Variants in CACNA2D3 observed in about 807,000 individuals in gnomAD.
CACNA2D3 encodes calcium voltage-gated channel auxiliary subunit alpha2delta 3.
A neutral mutation model predicts 160.6 loss-of-function variants in CACNA2D3; 60 were observed. The ratio of observed to expected loss-of-function variants is 0.37; its 90% confidence interval spans 0.30 to 0.46. CACNA2D3 has a LOEUF of 0.46. Ranked by LOEUF, CACNA2D3 falls within the 20% of genes least tolerant of loss-of-function variation. The probability of loss-of-function intolerance (pLI) is 1.00; values close to 1 mark genes in which losing one functional copy is unlikely to be tolerated. For missense variants in CACNA2D3, 1,205 were observed against 1,365.0 expected (o/e 0.88, Z 1.85); for synonymous variants, 558 against 492.9 (o/e 1.13, Z -1.75).
chr3:54,318,294 G>A (rs1420097487), intron 2 of CACNA2D3, among the ~76,000 whole-genome samples: 1 of 152,166 alleles, frequency 6.6e-6, no homozygotes, highest in African/African-American at 2.4e-5. Flanking sequence ...CTTTGGTGGG[G>A]AGAGAGAAAA....
chr3:54,808,080 A>G (rs1376824136), intron 13 of CACNA2D3, among the ~76,000 whole-genome samples: 1 of 146,652 alleles, frequency 6.8e-6, no homozygotes, highest in Non-Finnish European at 1.5e-5. Flanking sequence ...GGGGAGGGAT[A>G]GCATTAGGAG....
chr3:54,861,611 A>G (rs1184210860), intron 17 of CACNA2D3, among the ~76,000 whole-genome samples: 1 of 152,206 alleles, frequency 6.6e-6, no homozygotes, highest in African/African-American at 2.4e-5. Context: ...GAAGGGTTAG[A>G]GTACAGGCAG....
chr3:54,805,078 A>G lies in CACNA2D3; in HGVS notation c.1381-11775A>G, dbSNP rs186523008. 4.1e-3 allele frequency among the ~76,000 whole-genome samples: 620 copies of G among 152,342 alleles called. 16 individuals carry two copies. Among genetic ancestry groups the G allele is most frequent in the Admixed American group, 0.033 (512 of 15,304 alleles). ...TGTATAGAGGGAAATTTATAGCACT[A>G]AATGCCCACAAGAGAAAGCAGGAAA... On this transcript the variant is annotated intron_variant, in intron 13 of 37. Transcript: ENST00000474759.
At chr3:54,480,431 G>T (rs1419458431) in intron 4 of CACNA2D3, among the ~76,000 whole-genome samples, 1 of 152,024 alleles carries the variant, frequency 6.6e-6, no homozygotes, top group African/African-American at 2.4e-5. Flanking sequence ...AGATCACTTC[G>T]TTGTGTTTTC....
intron 5 of CACNA2D3, among the ~76,000 whole-genome samples, chr3:54,540,942 T>G (rs1701962729): frequency 6.6e-6 from 1 of 152,204 alleles, no homozygotes; most frequent in South Asian, 2.1e-4. Context: ...GAAGTCATAC[T>G]GGATTTAGAG....
Position 55,018,199 on chromosome 3 carries a change from C to T in CACNA2D3, c.2876-7C>T. 6.3e-7 allele frequency: 1 copy of T among 1,589,174 alleles called. No homozygotes were observed. The highest frequency in any genetic ancestry group is 8.6e-7 in the Non-Finnish European group (1 of 1,158,332). On this transcript the variant is annotated splice_region_variant and splice_polypyrimidine_tract_variant and intron_variant, in intron 34 of 37. Coordinates refer to ENST00000474759, the MANE Select transcript of CACNA2D3 (RefSeq NM_018398.3). ...CTTTACCTTTTTTTTTCCCACTATCCCTACAGCCCAGAAATTGAAACAGAC... is the reference window on the plus strand; with the variant it reads ...CTTTACCTTTTTTTTTCCCACTATCTCTACAGCCCAGAAATTGAAACAGAC...
chr3:54,142,235 T>C lies in CACNA2D3; in HGVS notation c.204+18641T>C, dbSNP rs1453782246. Reference sequence around the variant, plus strand: ...CTTGTGTGAGTTCAGGGACTTATCCTGTACTTTCTTCTTGGCCCTTCGTTC... The same window carrying C: ...CTTGTGTGAGTTCAGGGACTTATCCCGTACTTTCTTCTTGGCCCTTCGTTC... On this transcript the variant is annotated intron_variant, in intron 2 of 37. Transcript: ENST00000474759. 2.6e-5 allele frequency among the ~76,000 whole-genome samples: 4 copies of C among 152,216 alleles called. No homozygotes were observed. In the South Asian group the frequency reaches 6.2e-4, roughly 24 times the overall value.
At chr3:54,807,157 G>T (rs1206801971) in intron 13 of CACNA2D3, among the ~76,000 whole-genome samples, 1 of 152,204 alleles carries the variant, frequency 6.6e-6, no homozygotes, top group Non-Finnish European at 1.5e-5. Context: ...AGGACTTCAT[G>T]TCTAAGACAC....
intron 16 of CACNA2D3, among the ~76,000 whole-genome samples, chr3:54,844,612 C>T (rs1279056859): frequency 6.6e-6 from 1 of 152,084 alleles, no homozygotes; most frequent in Non-Finnish European, 1.5e-5. Flanking sequence ...GTTAACCGCA[C>T]GATAGGACCT....
intron 2 of CACNA2D3, among the ~76,000 whole-genome samples, chr3:54,267,947 T>A (rs1237424572): frequency 2.0e-5 from 3 of 152,144 alleles, no homozygotes; most frequent in Admixed American, 6.6e-5. Context: ...TTTGGGGGTG[T>A]TTTTTTGTAA....
chr3:54,130,876 G>A (rs1051818913), intron 2 of CACNA2D3, among the ~76,000 whole-genome samples: 1 of 152,234 alleles, frequency 6.6e-6, no homozygotes, highest in African/African-American at 2.4e-5. Flanking sequence ...CTTGGAGTCA[G>A]ATGGGCTTGG....
At chr3:54,415,105 A>T (rs1209197139) in intron 4 of CACNA2D3, among the ~76,000 whole-genome samples, 4 of 152,120 alleles carry the variant, frequency 2.6e-5, no homozygotes, top group African/African-American at 9.7e-5. Flanking sequence ...TGGTTCTGTT[A>T]ATTATAATAT....
intron 9 of CACNA2D3, among the ~76,000 whole-genome samples, chr3:54,591,570 T>G (rs1702859969): frequency 6.7e-6 from 1 of 149,792 alleles, no homozygotes; most frequent in Non-Finnish European, 1.5e-5. Context: ...GAAAAAAGTT[T>G]TTTTTTTTTT....
chr3:54,898,089 T>TTTCTTC (rs1559621695), intron 26 of CACNA2D3, among the ~76,000 whole-genome samples: 2 of 121,082 alleles, frequency 1.7e-5, no homozygotes, highest in African/African-American at 3.4e-5. Flanking sequence ...TTGCTTGCTT[T>TTTCTTC]CTTCCTTCCT....
chr3:54,856,234 A>G (rs1473573504), intron 17 of CACNA2D3, among the ~76,000 whole-genome samples: 1 of 146,540 alleles, frequency 6.8e-6, no homozygotes, highest in African/African-American at 2.4e-5. Flanking sequence ...ATCAAGCACC[A>G]CGGTTGAGAG....
intron 25 of CACNA2D3, among the ~76,000 whole-genome samples, chr3:54,892,864 A>G (rs751599948): frequency 1.1e-4 from 17 of 152,368 alleles, no homozygotes; most frequent in Middle Eastern, 3.4e-3. Flanking sequence ...TTAAAAGACA[A>G]AGGACCACAG....
intron 17 of CACNA2D3, among the ~76,000 whole-genome samples, chr3:54,866,086 C>T (rs1699395505): frequency 6.6e-6 from 1 of 151,920 alleles, no homozygotes; most frequent in Non-Finnish European, 1.5e-5. Flanking sequence ...GGATCAAGAA[C>T]ATGAGGGTGG....
chr3:54,628,557 C>A (rs961902399), intron 10 of CACNA2D3, among the ~76,000 whole-genome samples: 14 of 152,080 alleles, frequency 9.2e-5, no homozygotes, highest in African/African-American at 2.9e-4. Flanking sequence ...TTAGAAGCAA[C>A]CCTAGGAGGG....
chr3:54,362,249 G>T (rs1027018860), intron 3 of CACNA2D3, among the ~76,000 whole-genome samples: 13 of 152,112 alleles, frequency 8.5e-5, no homozygotes, highest in African/African-American at 3.1e-4. Flanking sequence ...TGAGGCTCAG[G>T]GTCTTCTTCC....
Sources: gnomAD v4.1 joint callset for allele counts (sites outside exome capture counted in the v4.1 genomes callset) on GRCh38, gnomAD v4.1.1 for gene constraint, MANE v1.5 for transcripts, NCBI Gene and HGNC (gene_info 2026-07-23, HGNC 2026-07-21) for gene names.